GRIP2: variants seen among roughly 807,000 people sequenced by gnomAD.
GRIP2 encodes the protein glutamate receptor interacting protein 2.
A neutral mutation model predicts 108.3 loss-of-function variants in GRIP2; 58 were observed. That is an observed-to-expected ratio of 0.54 (90% CI 0.43 to 0.67). The LOEUF is 0.67. Ranked by LOEUF, GRIP2 falls within the 30% of genes least tolerant of loss-of-function variation. The pLI, the probability that GRIP2 is intolerant of heterozygous loss-of-function variation, is 0.00. For synonymous variants in GRIP2, 586 were observed against 598.2 expected (o/e 0.98, Z 0.30); for missense variants, 1,278 against 1,430.6 (o/e 0.89, Z 1.72).
chr3:14,580,416 C>A, the GRIP2 span, among the ~76,000 whole-genome samples: 1 of 152,236 alleles, frequency 6.6e-6, no homozygotes, highest in Non-Finnish European at 1.5e-5. Context: ...CCAGGCTGGG[C>A]TGGACGCAAT....
chr3:14,588,257 G>T, the GRIP2 span, among the ~76,000 whole-genome samples: 7 of 152,248 alleles, frequency 4.6e-5, no homozygotes, highest in Admixed American at 4.6e-4. Context: ...GTTCAGCCTG[G>T]TTTATATTAG....
chr3:14,525,179 G>T (rs1053930474), intron 3 of GRIP2, among the ~76,000 whole-genome samples: 1 of 152,166 alleles, frequency 6.6e-6, no homozygotes, highest in Non-Finnish European at 1.5e-5. Flanking sequence ...ATATGCAAAG[G>T]CCTGGAGGGC....
rs4684227 is a variant in GRIP2, at chr3:14,511,866, C to T, written c.1721-387G>A. On this transcript the variant is annotated intron_variant, in intron 14 of 23. Coordinates refer to ENST00000621039, the MANE Select transcript of GRIP2 (RefSeq NM_001080423.4). The surrounding 1 kb of genome is among the most constrained non-coding windows in gnomAD (Gnocchi z 4.1). ...CCCAGCACCGGGCTCAGGGCCAGCA[C>T]CCAGGCTCTATTGTGTGCTTGGGGG... is the stretch of plus-strand genomic sequence containing the variant. Among the ~76,000 whole-genome samples, 58,437 of 152,040 alleles carry T rather than the reference C, an allele frequency of 0.38. 12,057 individuals carry two copies. Among genetic ancestry groups the T allele is most frequent in the East Asian group, 0.57 (2,935 of 5,166 alleles).
intron 1 of GRIP2, among the ~76,000 whole-genome samples, chr3:14,534,932 C>T (rs1335181840): frequency 1.3e-5 from 2 of 152,070 alleles, no homozygotes; most frequent in Non-Finnish European, 2.9e-5. Flanking sequence ...TGGAAAGAAG[C>T]GTGGGGGAGT....
the GRIP2 span, among the ~76,000 whole-genome samples, chr3:14,579,186 A>C: frequency 6.6e-6 from 1 of 152,158 alleles, no homozygotes; most frequent in Non-Finnish European, 1.5e-5. Context: ...CAAAGAGGCC[A>C]GAGACAAAAG....
At chr3:14,600,708 C>A in the GRIP2 span, among the ~76,000 whole-genome samples, 3 of 152,192 alleles carry the variant, frequency 2.0e-5, no homozygotes, top group East Asian at 5.8e-4. Flanking sequence ...AGACCCAGCC[C>A]ACGGGGACTA....
chr3:14,493,674 C>A lies in GRIP2; in HGVS notation c.3123G>T (p.Arg1041=). 1 of 1,602,152 alleles carries A rather than the reference C, an allele frequency of 6.2e-7. No individual in the cohort carries two copies. The highest frequency in any genetic ancestry group is 1.3e-5 in the African/African-American group (1 of 74,890). Residue 1041 remains arginine (R), a synonymous_variant, in exon 24 of 24, where the codon CGG becomes CGT. Transcript: ENST00000621039. ...APRSPGPSSP[R]ML is the part of the protein sequence containing the mutation. Reference sequence around the variant, plus strand: ...GGCCCACATGCTGACTTCAGAGCATCCGGGGACTGCTGGGGCCTGGCGATC... The same window carrying A: ...GGCCCACATGCTGACTTCAGAGCATACGGGGACTGCTGGGGCCTGGCGATC...
At position 14,520,892 on chromosome 3, in the gene GRIP2, A is replaced by G. The variant is rs540990596; in HGVS notation, c.713-355T>C. Reference sequence around the variant, plus strand: ...CCCCATCTCAGGAAATGGCACCTCCATTAACACACCCAGTGGCTGGAAATT... The same window carrying G: ...CCCCATCTCAGGAAATGGCACCTCCGTTAACACACCCAGTGGCTGGAAATT... On this transcript the variant is annotated intron_variant, in intron 7 of 23. Transcript: ENST00000621039. 19 of 252,504 alleles carry G rather than the reference A, an allele frequency of 7.5e-5. 1 individual carries two copies. In the East Asian group the frequency reaches 1.5e-3, roughly 20 times the overall value. The allele number at this position is 252,504 out of a possible 1,614,324, so 15.6% of individuals were successfully genotyped here.
In GRIP2 at chr3:14,493,505, A is replaced by G. The variant is rs535822341; in HGVS notation, c.*160T>C. On this transcript the variant is annotated 3_prime_UTR_variant, in exon 24 of 24. Transcript: ENST00000621039. ...GACCTCCCTGCCTGGCACCCCAGTCACCACAGACCTGGGGAACAGAGACCA... is the reference window on the plus strand; with the variant it reads ...GACCTCCCTGCCTGGCACCCCAGTCGCCACAGACCTGGGGAACAGAGACCA... 1,046 of 876,094 alleles carry G rather than the reference A, an allele frequency of 1.2e-3. No individual in the cohort carries two copies. The highest frequency in any genetic ancestry group is 1.7e-3 in the Non-Finnish European group (996 of 603,130). 54.3% of individuals were successfully genotyped at this position (876,094 alleles called of 1,614,324 possible). A position where few individuals can be genotyped will look rare whatever the true frequency, so the allele number is the denominator to read the frequency against.
At chr3:14,572,591 G>A in the GRIP2 span, among the ~76,000 whole-genome samples, 4 of 97,338 alleles carry the variant, frequency 4.1e-5, no homozygotes, top group African/African-American at 1.2e-4. Context: ...CAGCCTGGGT[G>A]ACAGAGCGAG....
In GRIP2 at chr3:14,550,773, C is replaced by T. The variant is rs535290131; in HGVS notation, c.55+5127G>A. ...CCCTCGGCTGCTTACAAACCCCAAA[C>T]AAACCTTCCTCAACAAACCCACTCT... On this transcript the variant is annotated intron_variant, in intron 1 of 23. Coordinates refer to the GRIP2 transcript ENST00000637182. Among the ~76,000 whole-genome samples the T allele has an allele frequency of 2.0e-5, 3 of 152,340 alleles. No homozygotes were observed. The South Asian group carries it at 6.2e-4, about 32-fold the overall frequency.
upstream of GRIP2, among the ~76,000 whole-genome samples, chr3:14,541,479 T>C (rs9883238): frequency 0.33 from 49,769 of 152,102 alleles, 9,335 homozygotes; most frequent in African/African-American, 0.49. Context: ...GGACCCGAGG[T>C]TTCTTGTGGG....
chr3:14,493,702 G>A lies in GRIP2; in HGVS notation c.3095C>T (p.Pro1032Leu), dbSNP rs1701387340. The change falls in exon 24 of 24, where the codon CCC (proline) becomes CTC (leucine). Residue 1032 changes from proline to leucine, a missense_variant. Pro to Leu is a moderately conservative substitution (Grantham distance 98). Coordinates refer to ENST00000621039, the MANE Select transcript of GRIP2 (RefSeq NM_001080423.4). Reference protein sequence around the residue: ...KPHTAHSSRAPRSPGPSSPRM... With the variant: ...KPHTAHSSRALRSPGPSSPRM... ...GGGACTGCTGGGGCCTGGCGATCGGGGGGCCCGGCTGCTGTGTGCCGTGTG... is the reference window on the plus strand; with the variant it reads ...GGGACTGCTGGGGCCTGGCGATCGGAGGGCCCGGCTGCTGTGTGCCGTGTG... 1 of 1,608,978 alleles carries A rather than the reference G, an allele frequency of 6.2e-7. No homozygotes were observed. The highest frequency in any genetic ancestry group is 1.3e-5 in the African/African-American group (1 of 74,982).
chr3:14,527,270 G>C (rs1694582681), intron 1 of GRIP2, among the ~76,000 whole-genome samples: 2 of 151,190 alleles, frequency 1.3e-5, no homozygotes, highest in African/African-American at 4.8e-5. Context: ...GGGAAGGGAA[G>C]GTATTTCTTT....
At chr3:14,498,973 G>A (rs528134277) in intron 21 of GRIP2, among the ~76,000 whole-genome samples, 3 of 152,292 alleles carry the variant, frequency 2.0e-5, no homozygotes, top group African/African-American at 7.2e-5. Flanking sequence ...TCTCAAAGCA[G>A]GAAACTGGGT....
At chr3:14,500,797 T>C (rs1030945127) in intron 21 of GRIP2, among the ~76,000 whole-genome samples, 4 of 152,022 alleles carry the variant, frequency 2.6e-5, no homozygotes, top group African/African-American at 9.7e-5. Flanking sequence ...GAAGCAAAGG[T>C]GATAACAGAA....
intron 7 of GRIP2, 117 bp from the exon 8 acceptor site, chr3:14,520,654 G>C: frequency 7.3e-6 from 7 of 961,568 alleles, no homozygotes; most frequent in Non-Finnish European, 1.1e-5. Flanking sequence ...ATACCCATTT[G>C]ATTAACATAA....
In GRIP2 at chr3:14,496,528, C is replaced by T. The variant is rs945078598; in HGVS notation, c.2712G>A (p.Val904=). 4.3e-6 allele frequency: 7 copies of T among 1,611,588 alleles called. No individual in the cohort carries two copies. The African/African-American group carries it at 5.3e-5, about 12-fold the overall frequency. The part of the protein sequence containing the change: ...ASIMTGTVQR[V]ALEGRPGHRP... Reference sequence around the variant, plus strand: ...GGTGGCCAGGCCTGCCCTCGAGGGCCACCCTCTGCACGGTGCCCGTCATGA... The same window carrying T: ...GGTGGCCAGGCCTGCCCTCGAGGGCTACCCTCTGCACGGTGCCCGTCATGA... The change falls in exon 22 of 24, where the codon GTG becomes GTA. Residue 904 remains valine, a synonymous_variant. Transcript: ENST00000621039.
intron 1 of GRIP2, among the ~76,000 whole-genome samples, chr3:14,539,374 A>T (rs1471671269): frequency 6.6e-6 from 1 of 151,972 alleles, no homozygotes; most frequent in Non-Finnish European, 1.5e-5. Context: ...ATGGGAAGGG[A>T]GGTGGGAATC....
Sources: allele counts gnomAD v4.1 joint callset (sites outside exome capture counted in the v4.1 genomes callset), GRCh38; gene constraint gnomAD v4.1.1; non-coding constraint Gnocchi (gnomAD v3.1); transcripts MANE v1.5; gene names NCBI Gene and HGNC (gene_info 2026-07-23, HGNC 2026-07-21).